TMEM232: variants seen among roughly 807,000 people sequenced by gnomAD.
The protein encoded by TMEM232 is transmembrane protein 232.
In TMEM232, 80 loss-of-function variants were observed where a neutral mutation model predicts 78.8. The ratio of observed to expected loss-of-function variants is 1.01; its 90% CI spans 0.85 to 1.22. The LOEUF is 1.22. Ranked by LOEUF, TMEM232 falls within the 50% of genes most tolerant of loss-of-function variation. The pLI, the probability that TMEM232 is intolerant of heterozygous loss-of-function variation, is 0.00. For missense variants in TMEM232, 881 were observed against 742.2 expected, an observed-to-expected ratio of 1.19 and a Z score of -2.17; for synonymous variants, 297 against 254.3, an observed-to-expected ratio of 1.17 and a Z score of -1.60.
chr5:110,651,480 G>A (rs757548450), intron 2 of TMEM232, among the ~76,000 whole-genome samples: 9 of 150,444 alleles, frequency 6.0e-5, no homozygotes, highest in Admixed American at 1.3e-4. Flanking sequence ...GGGAAGGAGG[G>A]AGGGAGGGAA....
At chr5:110,605,084 T>C in intron 10 of TMEM232, 25 bp downstream of exon 10, 1 of 1,507,050 alleles carries the variant, frequency 6.6e-7, no homozygotes, top group Non-Finnish European at 8.9e-7. Flanking sequence ...ATATTACTCA[T>C]CAAAGTAAAA....
At chr5:110,402,645 T>C (rs1292720952) in intron 2 of TMEM232, among the ~76,000 whole-genome samples, 1 of 152,080 alleles carries the variant, frequency 6.6e-6, no homozygotes, top group African/African-American at 2.4e-5. Flanking sequence ...GGAAATTGGA[T>C]TGCAAAGTAG....
intron 12 of TMEM232, among the ~76,000 whole-genome samples, chr5:110,507,602 G>A (rs1294600657): frequency 6.6e-6 from 1 of 152,130 alleles, no homozygotes. Flanking sequence ...AAGCCCATGG[G>A]CCATATCACC....
chr5:110,724,196 T>C (rs922922381), intron 1 of TMEM232, among the ~76,000 whole-genome samples: 7 of 152,332 alleles, frequency 4.6e-5, no homozygotes, highest in Middle Eastern at 3.4e-3. Context: ...ATACTTTATA[T>C]CTTTCGATAT....
At chr5:110,481,591 GCTC>G (rs1291414621) in intron 12 of TMEM232, among the ~76,000 whole-genome samples, 1 of 152,064 alleles carries the variant, frequency 6.6e-6, no homozygotes, top group Non-Finnish European at 1.5e-5. Flanking sequence ...GCCATTAAAT[GCTC>G]ATCATGTGCA....
chr5:110,661,535 C>A (rs1789799290), intron 2 of TMEM232, among the ~76,000 whole-genome samples: 1 of 152,064 alleles, frequency 6.6e-6, no homozygotes, highest in Admixed American at 6.6e-5. Context: ...TGGTCTCAAA[C>A]TCCTGGGCTC....
chr5:110,618,348 C>T lies in TMEM232; in HGVS notation c.902+81G>A. 8.0e-6 allele frequency: 12 copies of T among 1,502,400 alleles called. No individual in the cohort carries two copies. The Middle Eastern group carries it at 5.1e-4, about 64-fold the overall frequency. The allele number at this position is 1,502,400 out of a possible 1,614,324, so 93.1% of individuals were successfully genotyped here. ...TCATAGTCAACTGAGGTGTGATTAA[C>T]ATTTAGGTACAAGGGTTATTTAACA... On this transcript the variant is annotated intron_variant, in intron 8 of 13. Coordinates refer to ENST00000455884, the MANE Select transcript of TMEM232 (RefSeq NM_001039763.4).
intron 3 of TMEM232, 87 bp downstream of exon 3, chr5:110,642,173 T>C (rs1390752716): frequency 2.6e-6 from 2 of 758,236 alleles, no homozygotes; most frequent in African/African-American, 1.9e-5. Flanking sequence ...ATATTCTTAT[T>C]TTTTCTTAAA....
chr5:110,673,038 G>C (rs1189863177), intron 1 of TMEM232, among the ~76,000 whole-genome samples: 2 of 152,116 alleles, frequency 1.3e-5, no homozygotes, highest in Non-Finnish European at 2.9e-5. Flanking sequence ...CAATAGCAAA[G>C]ACTTGGAACC....
intron 2 of TMEM232, among the ~76,000 whole-genome samples, chr5:110,664,008 C>T (rs932283793): frequency 1.4e-4 from 22 of 152,000 alleles, no homozygotes; most frequent in African/African-American, 5.3e-4. Context: ...TGTATGGTGA[C>T]ATGTGCCTGT....
intron 2 of TMEM232, among the ~76,000 whole-genome samples, chr5:110,733,240 G>A (rs1364063008): frequency 1.3e-5 from 2 of 152,180 alleles, no homozygotes; most frequent in African/African-American, 2.4e-5. Context: ...ACATACCGTT[G>A]GGTGGGAGTG....
chr5:110,590,466 T>C (rs1453002791), intron 10 of TMEM232, among the ~76,000 whole-genome samples: 1 of 152,092 alleles, frequency 6.6e-6, no homozygotes, highest in Non-Finnish European at 1.5e-5. Flanking sequence ...TTGTGAACAG[T>C]GCATGAGTGG....
At chr5:110,725,659 G>C (rs1798079309) in intron 1 of TMEM232, 1 of 152,160 alleles carries the variant, frequency 6.6e-6, no homozygotes, top group Non-Finnish European at 1.5e-5. Context: ...AAATGTTTCA[G>C]CTCATGAAAT....
intron 3 of TMEM232, among the ~76,000 whole-genome samples, chr5:110,397,288 T>G (rs957529675): frequency 6.6e-6 from 1 of 152,154 alleles, no homozygotes; most frequent in East Asian, 1.9e-4. Context: ...GAAAAACATG[T>G]ATAACATACT....
chr5:110,539,519 C>G (rs1772830936), intron 11 of TMEM232, among the ~76,000 whole-genome samples: 1 of 152,192 alleles, frequency 6.6e-6, no homozygotes, highest in African/African-American at 2.4e-5. Flanking sequence ...TCCATTCCCT[C>G]TGGCACCAGA....
intron 12 of TMEM232, among the ~76,000 whole-genome samples, chr5:110,472,482 G>A (rs983280099): frequency 1.3e-5 from 2 of 151,848 alleles, no homozygotes; most frequent in African/African-American, 2.4e-5. Context: ...AAATTATTCT[G>A]CAGAGTGAGT....
At chr5:110,455,381 T>G (rs1037450485) in intron 12 of TMEM232, among the ~76,000 whole-genome samples, 1 of 129,944 alleles carries the variant, frequency 7.7e-6, no homozygotes, top group Admixed American at 7.3e-5. Context: ...AGATATAAAC[T>G]TTTTTTTTTT....
chr5:110,475,171 A>G (rs1457303764), intron 12 of TMEM232, among the ~76,000 whole-genome samples: 2 of 152,020 alleles, frequency 1.3e-5, no homozygotes, highest in Non-Finnish European at 2.9e-5. Flanking sequence ...GTCCAGCAAC[A>G]GACCCAAATA....
Position 110,625,708 on chromosome 5 carries a change from T to C in TMEM232, c.602-275A>G, listed in dbSNP as rs78324814. The C allele has an allele frequency of 9.9e-3, 1,862 of 187,456 alleles. 35 individuals carry two copies. The highest frequency in any genetic ancestry group is 0.041 in the African/African-American group (1,757 of 42,776). 11.6% of individuals were successfully genotyped at this position (187,456 alleles called of 1,614,324 possible). A position where few individuals can be genotyped will look rare whatever the true frequency, so the allele number is the denominator to read the frequency against. ...AAATATAGTTACTGTTCAACAATGCTTGGAAACTTCCAGATGAAAATAAAT... is the reference window on the plus strand; with the variant it reads ...AAATATAGTTACTGTTCAACAATGCCTGGAAACTTCCAGATGAAAATAAAT... On this transcript the variant is annotated intron_variant, in intron 6 of 13. Coordinates refer to ENST00000455884, the MANE Select transcript of TMEM232 (RefSeq NM_001039763.4).
Sources: allele counts gnomAD v4.1 joint callset (sites outside exome capture counted in the v4.1 genomes callset), GRCh38; gene constraint gnomAD v4.1.1; transcripts MANE v1.5; gene names NCBI Gene and HGNC (gene_info 2026-07-23, HGNC 2026-07-21).